The following CREB3 variants were observed in gnomAD, a reference collection of about 807,000 sequenced individuals.
CREB3 encodes the protein cAMP responsive element binding protein 3.
Under a neutral mutation model 34.5 loss-of-function variants are expected in CREB3, and 29 were observed. The ratio of observed to expected loss-of-function variants is 0.84; its 90% CI spans 0.63 to 1.15. The LOEUF (loss-of-function observed/expected upper bound fraction) is 1.15. Among genes scored for constraint, CREB3 ranks in the 50% most tolerant of loss-of-function variants. The pLI, the probability that CREB3 is intolerant of heterozygous loss-of-function variation, is 0.00. For synonymous variants in CREB3, 187 were observed against 173.9 expected (o/e 1.08, Z -0.59); for missense variants, 447 against 443.4 (o/e 1.01, Z -0.07).
intron 4 of CREB3, among the ~76,000 whole-genome samples, chr9:35,733,706 A>G (rs1056666566): frequency 8.8e-6 from 1 of 113,256 alleles, no homozygotes; most frequent in African/African-American, 2.6e-5. Context: ...TCTGTTAAAA[A>G]AATAACTCAA....
In CREB3 at chr9:35,735,315, A is replaced by G. The variant is rs1209866163; in HGVS notation, c.552A>G (p.Lys184=). ...TTGTTATTTCCCCCAGGGTCTTGAA[A>G]TACACAGCCCAGAATATGGAGCTTC... The part of the protein sequence containing the change: ...YVGGLESRVL[K]YTAQNMELQN... The change falls in exon 6 of 9, where the codon AAA becomes AAG. Residue 184 remains lysine (K), a synonymous_variant. Coordinates refer to ENST00000353704, the MANE Select transcript of CREB3 (RefSeq NM_006368.5). 1.9e-6 allele frequency: 3 copies of G among 1,614,074 alleles called. No homozygotes were observed. Among genetic ancestry groups the G allele is most frequent in the Non-Finnish European group, 2.5e-6 (3 of 1,180,016 alleles).
intron 4 of CREB3, among the ~76,000 whole-genome samples, chr9:35,733,793 A>G (rs1826143059): frequency 6.6e-6 from 1 of 152,196 alleles, no homozygotes; most frequent in Admixed American, 6.5e-5. Context: ...CGTTGGCTTC[A>G]TAGTAATCCA....
Position 35,733,256 on chromosome 9 carries a change from C to T in CREB3, c.319C>T (p.Gln107Ter), listed in dbSNP as rs777986644. The part of the protein sequence containing the change: ...CRKEGTQMTP[Q>*]HMEELAEQEI... Reference sequence around the variant, plus strand: ...AAAAGAGGGGACCCAGATGACTCCACAGCATATGGAGGAGCTGGCAGAGCA... The same window carrying T: ...AAAAGAGGGGACCCAGATGACTCCATAGCATATGGAGGAGCTGGCAGAGCA... Residue 107 changes from glutamine to a stop codon, truncating the protein, a stop_gained, in exon 3 of 9, where the codon CAG (glutamine) becomes TAG (stop). Coordinates refer to ENST00000353704, the MANE Select transcript of CREB3 (RefSeq NM_006368.5). LOFTEE classifies it high-confidence loss of function. 1.9e-6 allele frequency: 3 copies of T among 1,614,210 alleles called. No individual in the cohort carries two copies. Among genetic ancestry groups the T allele is most frequent in the Non-Finnish European group, 2.5e-6 (3 of 1,180,032 alleles).
chr9:35,736,883 T>A lies in CREB3; in HGVS notation c.*157T>A, dbSNP rs770501648. 5 of 769,728 alleles carry A rather than the reference T, an allele frequency of 6.5e-6. No homozygotes were observed. The highest frequency in any genetic ancestry group is 2.8e-5 in the Admixed American group (1 of 35,126). The allele number at this position is 769,728 out of a possible 1,614,324, so 47.7% of individuals were successfully genotyped here. A position where few individuals can be genotyped will look rare whatever the true frequency, so the allele number is the denominator to read the frequency against. Reference sequence around the variant, plus strand: ...ACACTTAATGGCTTTCTGGGTCTTTTATTTGTACCCATGTGTCTGTCACAC... The same window carrying A: ...ACACTTAATGGCTTTCTGGGTCTTTAATTTGTACCCATGTGTCTGTCACAC... On this transcript the variant is annotated 3_prime_UTR_variant, in exon 9 of 9. Transcript: ENST00000353704.
intron 6 of CREB3, 137 bp from the exon 7 acceptor site, chr9:35,735,911 T>G (rs1272209556): frequency 7.4e-6 from 5 of 671,846 alleles, no homozygotes; most frequent in African/African-American, 1.8e-5. Context: ...GAGGAAGAAG[T>G]CGTTTGCAAA....
At chr9:35,735,626 G>A (rs769686226) in intron 6 of CREB3, among the ~76,000 whole-genome samples, 19 of 152,226 alleles carry the variant, frequency 1.2e-4, no homozygotes, top group Non-Finnish European at 2.2e-4. Flanking sequence ...GGTTGGGAAA[G>A]CATTCTAGGC....
At chr9:35,733,708 AT>A (rs1826140884) in intron 4 of CREB3, among the ~76,000 whole-genome samples, 2 of 151,104 alleles carry the variant, frequency 1.3e-5, no homozygotes, top group Admixed American at 6.6e-5. Flanking sequence ...TGTTAAAAAA[AT>A]AACTCAAAAT....
intron 4 of CREB3, 24 bp downstream of exon 4, chr9:35,733,509 A>G: frequency 6.5e-7 from 1 of 1,547,392 alleles, no homozygotes; most frequent in Non-Finnish European, 8.9e-7. Flanking sequence ...TGGTTGAACA[A>G]AGGCTGAAAA....
In CREB3 at chr9:35,732,711, G is replaced by T; in HGVS notation, c.-62G>T. On this transcript the variant is annotated 5_prime_UTR_variant, in exon 1 of 9. Coordinates refer to ENST00000353704, the MANE Select transcript of CREB3 (RefSeq NM_006368.5). This position sits in a 1 kb window ranked among gnomAD's most constrained non-coding sequence, Gnocchi z 5.1. ...TGCCCGAGGCCTACAGCTGGCCTGG[G>T]GCTCGTGTCTGGGCTTCGGACGTTG... 1 of 1,560,644 alleles carries T rather than the reference G, an allele frequency of 6.4e-7. No homozygotes were observed. The highest frequency in any genetic ancestry group is 8.7e-7 in the Non-Finnish European group (1 of 1,155,036).
rs1329333454 is a variant in CREB3 at position 35,732,689 on chromosome 9, C to T, written c.-84C>T. On this transcript the variant is annotated 5_prime_UTR_variant, in exon 1 of 9. Coordinates refer to ENST00000353704, the MANE Select transcript of CREB3 (RefSeq NM_006368.5). This position sits in a 1 kb window ranked among gnomAD's most constrained non-coding sequence, Gnocchi z 5.1. ...CCGTAGAGGGACAGTGGATAGGTGC[C>T]CGAGGCCTACAGCTGGCCTGGGGCT... 6.5e-7 allele frequency: 1 copy of T among 1,532,932 alleles called. No individual in the cohort carries two copies. The highest frequency in any genetic ancestry group is 8.8e-7 in the Non-Finnish European group (1 of 1,139,330). The allele number at this position is 1,532,932 out of a possible 1,614,324, so 95.0% of individuals were successfully genotyped here. A position where few individuals can be genotyped will look rare whatever the true frequency, so the allele number is the denominator to read the frequency against.
chr9:35,736,668 G>A lies in CREB3; in HGVS notation c.1058G>A (p.Gly353Glu). The change falls in exon 9 of 9, where the codon GGA becomes GAA. Residue 353 changes from glycine to glutamate, a missense_variant. Transcript: ENST00000353704. ...CTGCAGGCAAATCTCACAAGGAAGGGAGGATGGCTTCCTACTGGTAGCCCC... is the reference window on the plus strand; with the variant it reads ...CTGCAGGCAAATCTCACAAGGAAGGAAGGATGGCTTCCTACTGGTAGCCCC... Reference protein sequence around the residue: ...LPLQANLTRKGGWLPTGSPSV... With the variant: ...LPLQANLTRKEGWLPTGSPSV... The A allele has an allele frequency of 6.2e-7, 1 of 1,613,032 alleles. No homozygotes were observed. The highest frequency in any genetic ancestry group is 1.1e-5 in the South Asian group (1 of 91,090).
chr9:35,733,670 T>C (rs1319504549), intron 4 of CREB3, among the ~76,000 whole-genome samples, 185 bp downstream of exon 4: 1 of 152,114 alleles, frequency 6.6e-6, no homozygotes, highest in African/African-American at 2.4e-5. Context: ...TCCTCGTTTT[T>C]GTTGGGCTTA....
At chr9:35,736,344 C>A (rs758783424) in intron 8 of CREB3, 33 bp downstream of exon 8, 1 of 1,613,366 alleles carries the variant, frequency 6.2e-7, no homozygotes, top group South Asian at 1.1e-5. Context: ...TCAGACAGGG[C>A]AAGGGGAGAG....
Position 35,735,374 on chromosome 9 carries a change from TGTAA to T in CREB3, c.611+4_611+7del. On this transcript the variant is annotated splice_donor_variant and splice_donor_region_variant and intron_variant, in intron 6 of 8. Coordinates refer to ENST00000353704, the MANE Select transcript of CREB3 (RefSeq NM_006368.5). LOFTEE classifies it high-confidence loss of function. ...GTACAGCTTCTGGAGGAACAGAATT[TGTAA>T]GTATCCCTCCAAACCATTCCCTTCC... The T allele has an allele frequency of 1.2e-6, 2 of 1,613,254 alleles. No homozygotes were observed. Among genetic ancestry groups the T allele is most frequent in the East Asian group, 2.2e-5 (1 of 44,872 alleles).
In CREB3 at chr9:35,736,900, C is replaced by A. The variant is rs1255720313; in HGVS notation, c.*174C>A. On this transcript the variant is annotated 3_prime_UTR_variant, in exon 9 of 9. Transcript: ENST00000353704. ...GGGTCTTTTATTTGTACCCATGTGT[C>A]TGTCACACCATGAATGTACCTGGGG... 22 of 733,240 alleles carry A rather than the reference C, an allele frequency of 3.0e-5. No individual in the cohort carries two copies. The highest frequency in any genetic ancestry group is 4.8e-5 in the Non-Finnish European group (22 of 455,592). The allele number at this position is 733,240 out of a possible 1,614,324, so 45.4% of individuals were successfully genotyped here. A position where few individuals can be genotyped will look rare whatever the true frequency, so the allele number is the denominator to read the frequency against.
chr9:35,733,600 T>C, intron 4 of CREB3, 115 bp downstream of exon 4: 1 of 716,048 alleles, frequency 1.4e-6, no homozygotes, highest in South Asian at 1.8e-5. Flanking sequence ...AGAAACTTAG[T>C]AGATTTATTG....
chr9:35,733,694 G>A (rs1195943369), intron 4 of CREB3, among the ~76,000 whole-genome samples: 5 of 147,750 alleles, frequency 3.4e-5, no homozygotes, highest in Non-Finnish European at 6.1e-5. Context: ...AAATTTTGGT[G>A]TTCTGTTAAA....
Position 35,732,852 on chromosome 9 carries a change from C to T in CREB3, c.80C>T (p.Pro27Leu). ...LEESGDLGTA[P>L]DEAVRAPLDW... ...GAAAGTGGAGATTTGGGGACGGCAC[C>T]CGATGAGGCCGTGAGGGCCCCACTG... Residue 27 changes from proline (P) to leucine (L), a missense_variant, in exon 1 of 9, where the codon CCC (proline) becomes CTC (leucine). Pro to Leu is a moderately conservative substitution (Grantham distance 98, BLOSUM62 -3). Coordinates refer to ENST00000353704, the MANE Select transcript of CREB3 (RefSeq NM_006368.5). The surrounding 1 kb of genome is among the most constrained non-coding windows in gnomAD (Gnocchi z 5.1). 1.9e-6 allele frequency: 3 copies of T among 1,614,216 alleles called. No homozygotes were observed. The highest frequency in any genetic ancestry group is 2.5e-6 in the Non-Finnish European group (3 of 1,180,030).
chr9:35,733,561 A>G (rs1826135925), intron 4 of CREB3, 76 bp downstream of exon 4: 8 of 971,126 alleles, frequency 8.2e-6, no homozygotes, highest in Middle Eastern at 2.4e-4. Context: ...TTAACTTTAT[A>G]TCAATAACTT....
Sources: gnomAD v4.1 joint callset for allele counts (sites outside exome capture counted in the v4.1 genomes callset) on GRCh38, gnomAD v4.1.1 for gene constraint, Gnocchi (gnomAD v3.1) non-coding constraint, MANE v1.5 for transcripts, NCBI Gene and HGNC (gene_info 2026-07-23, HGNC 2026-07-21) for gene names.